Variants in BIN3 observed in about 807,000 individuals in gnomAD.
BIN3 encodes the protein bridging integrator 3.
A neutral mutation model predicts 38.2 loss-of-function variants in BIN3; 41 were observed. The observed-to-expected ratio is 1.07, with a 90% CI of 0.84 to 1.39. The LOEUF (loss-of-function observed/expected upper bound fraction) is 1.39, where lower values mean the gene tolerates loss of function less well. Among genes scored for constraint, BIN3 ranks in the 40% most tolerant of loss-of-function variants. BIN3 has a pLI of 0.00. For missense variants in BIN3, 361 were observed against 324.3 expected, an observed-to-expected ratio of 1.11 and a Z score of -0.87; for synonymous variants, 145 against 122.6, an observed-to-expected ratio of 1.18 and a Z score of -1.21.
At chr8:22,632,206 T>C (rs1288153365) in intron 4 of BIN3, among the ~76,000 whole-genome samples, 1 of 152,226 alleles carries the variant, frequency 6.6e-6, no homozygotes, top group Non-Finnish European at 1.5e-5. Context: ...TGACATAAGG[T>C]CTGCCTCCCA....
At chr8:22,623,452 T>C (rs1801906190) in intron 8 of BIN3, among the ~76,000 whole-genome samples, 1 of 152,048 alleles carries the variant, frequency 6.6e-6, no homozygotes, top group Admixed American at 6.5e-5. Flanking sequence ...CCTTCCTTAG[T>C]GGTTCCAAGG....
chr8:22,627,000 G>A (rs933220901), intron 6 of BIN3, among the ~76,000 whole-genome samples: 1 of 152,202 alleles, frequency 6.6e-6, no homozygotes, highest in Admixed American at 6.5e-5. Flanking sequence ...TGGCCACCTG[G>A]CTGCATGGGC....
chr8:22,645,584 GGC>G (rs1225720104), intron 1 of BIN3, among the ~76,000 whole-genome samples: 8 of 134,726 alleles, frequency 5.9e-5, no homozygotes, highest in African/African-American at 3.1e-4. Flanking sequence ...AGGCGAGGAT[GGC>G]AGGAAAGGGA....
chr8:22,659,978 C>A (rs940835098), intron 1 of BIN3, among the ~76,000 whole-genome samples: 2 of 152,120 alleles, frequency 1.3e-5, no homozygotes. Flanking sequence ...AGTATACTCA[C>A]CCCCCAAGAA....
In BIN3 at chr8:22,624,004, T is replaced by C; in HGVS notation, c.526A>G (p.Asn176Asp). The change falls in exon 8 of 9, where the codon AAC (asparagine) becomes GAC (aspartate). Residue 176 changes from asparagine (N) to aspartate (D), a missense_variant. Coordinates refer to ENST00000276416, the MANE Select transcript of BIN3 (RefSeq NM_018688.6). ...RPVREDFEAK[N>D]RQLLEEMPRF... ...GGCATCTCCTCCAGCAGCTGCCTGT[T>C]CTTGGCTTCAAAGTCCTCCCGCACA... 1 of 1,613,178 alleles carries C rather than the reference T, an allele frequency of 6.2e-7. No individual in the cohort carries two copies. Among genetic ancestry groups the C allele is most frequent in the South Asian group, 1.1e-5 (1 of 91,026 alleles).
At chr8:22,634,619 G>A (rs1275500826) in intron 4 of BIN3, 1 of 440,940 alleles carries the variant, frequency 2.3e-6, no homozygotes, top group Non-Finnish European at 4.6e-6. Flanking sequence ...GGAGCACACT[G>A]GTCCTCAAGT....
chr8:22,663,912 T>C (rs1803326070), intron 1 of BIN3, among the ~76,000 whole-genome samples: 1 of 152,252 alleles, frequency 6.6e-6, no homozygotes, highest in African/African-American at 2.4e-5. Context: ...TGACATTTAG[T>C]GATCGGCTGT....
rs1340927537 is a variant in BIN3, at chr8:22,620,724, G to C, written c.*698C>G. ...CACAATACTATGTGGACGTTTCATT[G>C]AAAATTTTACTTGAAAAAATAAAAT... On this transcript the variant is annotated 3_prime_UTR_variant, in exon 9 of 9. Coordinates refer to ENST00000276416, the MANE Select transcript of BIN3 (RefSeq NM_018688.6). 1.3e-5 allele frequency: 2 copies of C among 152,322 alleles called. No individual in the cohort carries two copies. The highest frequency in any genetic ancestry group is 3.9e-4 in the East Asian group (2 of 5,186). 9.4% of individuals were successfully genotyped at this position (152,322 alleles called of 1,614,324 possible).
intron 2 of BIN3, among the ~76,000 whole-genome samples, chr8:22,641,442 C>G (rs1037648838): frequency 6.6e-6 from 1 of 152,114 alleles, no homozygotes; most frequent in Non-Finnish European, 1.5e-5. Flanking sequence ...AGTTCCCACC[C>G]AAACTTATGC....
intron 2 of BIN3, among the ~76,000 whole-genome samples, chr8:22,637,727 A>C (rs115939099): frequency 6.6e-4 from 100 of 152,298 alleles, no homozygotes; most frequent in African/African-American, 2.3e-3. Context: ...TGGGCATGCA[A>C]TGGGAAGTAA....
chr8:22,659,201 C>T (rs893477939), intron 1 of BIN3, among the ~76,000 whole-genome samples: 4 of 152,216 alleles, frequency 2.6e-5, no homozygotes, highest in South Asian at 4.1e-4. Flanking sequence ...CTGAGCAAGG[C>T]GGAGACCCCA....
rs118162009 is a variant in BIN3, at chr8:22,660,989, G to C, written c.8+8055C>G. On this transcript the variant is annotated intron_variant, in intron 1 of 8. Coordinates refer to ENST00000276416, the MANE Select transcript of BIN3 (RefSeq NM_018688.6). ...AACCTTGAATTCCTGGGCTCCAGCA[G>C]TCCACCTGCCTCAGCCTGCTGAGTG... Among the ~76,000 whole-genome samples, 355 of 152,242 alleles carry C rather than the reference G, an allele frequency of 2.3e-3. 7 individuals are homozygous for C. In the East Asian group the frequency reaches 0.063, roughly 27 times the overall value.
At chr8:22,635,251 C>A (rs538879637) in intron 4 of BIN3, among the ~76,000 whole-genome samples, 2 of 152,160 alleles carry the variant, frequency 1.3e-5, no homozygotes, top group African/African-American at 4.8e-5. Context: ...TGACCTTGCA[C>A]GCCACGACGT....
At position 22,644,784 on chromosome 8, in the gene BIN3, G is replaced by A; in HGVS notation, c.28C>T (p.Gln10Ter). MSWIPFKIG[Q>*]PKKQIVPKTV... ...TTGGGCACAATCTGTTTCTTGGGCT[G>A]CCCAATCTTAAAAGGAATCCTATAA... Residue 10 changes from glutamine to a stop codon, truncating the protein, a stop_gained, in exon 2 of 9, where the codon CAG (glutamine) becomes TAG (stop). Transcript: ENST00000276416. LOFTEE classifies it high-confidence loss of function. 1 of 1,611,328 alleles carries A rather than the reference G, an allele frequency of 6.2e-7. No individual in the cohort carries two copies. The highest frequency in any genetic ancestry group is 1.1e-5 in the South Asian group (1 of 90,390).
At chr8:22,629,792 G>A (rs1442249423) in intron 6 of BIN3, 172 bp downstream of exon 6, 4 of 680,946 alleles carry the variant, frequency 5.9e-6, no homozygotes, top group Non-Finnish European at 5.1e-6. Flanking sequence ...GGAGCCCCCA[G>A]GAGCATGGAC....
At chr8:22,665,951 T>C (rs1190177993) in intron 1 of BIN3, among the ~76,000 whole-genome samples, 2 of 152,136 alleles carry the variant, frequency 1.3e-5, no homozygotes, top group East Asian at 3.9e-4. Context: ...ATGCTACAGA[T>C]GGAGAAACTA....
intron 7 of BIN3, 54 bp from the exon 8 acceptor site, chr8:22,624,103 G>GGGAT (rs1801930531): frequency 6.3e-7 from 1 of 1,597,330 alleles, no homozygotes; most frequent in African/African-American, 1.3e-5. Flanking sequence ...TGCCGGATAC[G>GGGAT]GGATGGGTGG....
In BIN3 at chr8:22,630,527, AG is replaced by A; in HGVS notation, c.211del (p.Leu71SerfsTer9). The A allele has an allele frequency of 6.2e-7, 1 of 1,613,988 alleles. No homozygotes were observed. The highest frequency in any genetic ancestry group is 2.2e-5 in the East Asian group (1 of 44,890). ...CAGAAGGTCCTGGTCTTGCTCACAG[AG>A]GGGATTGGAGAGTAAGTCCAAGGAT... ...KISLDLLSNP[L>X]CEQDQDLLNM... On this transcript the variant is annotated frameshift_variant, in exon 5 of 9. Transcript: ENST00000276416. LOFTEE classifies it high-confidence loss of function.
Position 22,624,282 on chromosome 8 carries a change from G to T in BIN3, c.420C>A (p.Ala140=). ...QALQDYRRLQ[A]KVEKYEEKEK... The stretch of plus-strand genomic sequence containing the variant: ...CCTTTTCCTCATACTTCTCCACCTT[G>T]GCCTGCAGCCTCCTGTAGTCCTGCA... Residue 140 remains alanine (A), a synonymous_variant, in exon 7 of 9, where the codon GCC becomes GCA. Coordinates refer to ENST00000276416, the MANE Select transcript of BIN3 (RefSeq NM_018688.6). 6.2e-7 allele frequency: 1 copy of T among 1,613,940 alleles called. No individual in the cohort carries two copies. Among genetic ancestry groups the T allele is most frequent in the South Asian group, 1.1e-5 (1 of 91,080 alleles).
Sources: gnomAD v4.1 joint callset for allele counts (sites outside exome capture counted in the v4.1 genomes callset) on GRCh38, gnomAD v4.1.1 for gene constraint, MANE v1.5 for transcripts, NCBI Gene and HGNC (gene_info 2026-07-23, HGNC 2026-07-21) for gene names.